ADGRL3: variants seen among roughly 807,000 people sequenced by gnomAD.
ADGRL3 encodes the protein adhesion G protein-coupled receptor L3.
In ADGRL3, 62 loss-of-function variants were observed where a neutral mutation model predicts 153.5. That is an observed-to-expected ratio of 0.40 (90% CI 0.33 to 0.50). ADGRL3 has a LOEUF of 0.50. Among genes scored for constraint, ADGRL3 ranks in the 20% least tolerant of loss-of-function variants. The pLI, the probability that ADGRL3 is intolerant of heterozygous loss-of-function variation, is 0.47. For missense variants in ADGRL3, 1,641 were observed against 1,859.4 expected (o/e 0.88, Z 2.16); for synonymous variants, 710 against 672.5 (o/e 1.06, Z -0.86).
In ADGRL3 at chr4:61,437,094, G is replaced by A. The variant is rs140598123; in HGVS notation, c.-174+53905G>A. ...GATAGGAACCTAAAAGTAGGAAAAC[G>A]GAAGAAGAATTTGTCAAAATATTGT... On this transcript the variant is annotated intron_variant, in intron 2 of 26. Transcript: ENST00000683033. Among the ~76,000 whole-genome samples, 352 of 152,014 alleles carry A rather than the reference G, an allele frequency of 2.3e-3. 2 individuals carry two copies. Among genetic ancestry groups the A allele is most frequent in the African/African-American group, 7.2e-3 (298 of 41,476 alleles).
At chr4:61,719,365 A>G (rs887243936) in intron 6 of ADGRL3, among the ~76,000 whole-genome samples, 1 of 152,194 alleles carries the variant, frequency 6.6e-6, no homozygotes, top group Non-Finnish European at 1.5e-5. Flanking sequence ...AGCCAATGGA[A>G]TCATGCTACT....
chr4:61,751,506 G>A (rs2096756297), intron 8 of ADGRL3, among the ~76,000 whole-genome samples: 1 of 152,102 alleles, frequency 6.6e-6, no homozygotes, highest in African/African-American at 2.4e-5. Flanking sequence ...TTACAAAGCT[G>A]AAATACTTTG....
chr4:61,464,131 C>T (rs1254445230), intron 2 of ADGRL3, among the ~76,000 whole-genome samples: 1 of 152,156 alleles, frequency 6.6e-6, no homozygotes, highest in Non-Finnish European at 1.5e-5. Flanking sequence ...ACCAGGTTTG[C>T]ATAGTTTGTA....
intron 2 of ADGRL3, among the ~76,000 whole-genome samples, chr4:61,471,956 T>C (rs901960948): frequency 5.3e-5 from 8 of 152,184 alleles, no homozygotes; most frequent in Non-Finnish European, 1.0e-4. Flanking sequence ...AATTATTGTA[T>C]TATGCACAAC....
chr4:61,902,618 C>T lies in ADGRL3; in HGVS notation c.1887+6784C>T, dbSNP rs140110189. On this transcript the variant is annotated intron_variant, in intron 11 of 26. Coordinates refer to ENST00000683033, the MANE Select transcript of ADGRL3 (RefSeq NM_001387552.1). ...CTCACCTCTCCAGCTGCCTAAACTC[C>T]AGATATGGTGCCCTTTGTGCAGTTT... 7.2e-4 allele frequency among the ~76,000 whole-genome samples: 109 copies of T among 152,174 alleles called. 2 individuals are homozygous for T. The highest frequency in any genetic ancestry group is 6.8e-3 in the East Asian group (35 of 5,154).
chr4:61,725,853 C>T (rs1463848470), intron 6 of ADGRL3, among the ~76,000 whole-genome samples: 1 of 152,124 alleles, frequency 6.6e-6, no homozygotes, highest in Non-Finnish European at 1.5e-5. Flanking sequence ...CGGCAGGACT[C>T]TGCCACCTAC....
intron 8 of ADGRL3, among the ~76,000 whole-genome samples, chr4:61,800,182 A>C (rs937858816): frequency 1.3e-5 from 2 of 152,198 alleles, no homozygotes; most frequent in African/African-American, 4.8e-5. Context: ...CATCTGTAAC[A>C]ATGAGCAAAG....
intron 1 of ADGRL3, among the ~76,000 whole-genome samples, chr4:61,369,176 C>T (rs1443395582): frequency 6.6e-6 from 1 of 152,164 alleles, no homozygotes; most frequent in African/African-American, 2.4e-5. Flanking sequence ...CATCTGCAAA[C>T]AGGGACAATT....
chr4:61,625,350 C>T (rs1267923622), intron 5 of ADGRL3, among the ~76,000 whole-genome samples: 1 of 151,962 alleles, frequency 6.6e-6, no homozygotes, highest in Non-Finnish European at 1.5e-5. Context: ...CCAAAAACTA[C>T]ATGAACTTAA....
At chr4:61,705,790 C>A (rs1043021520) in intron 6 of ADGRL3, among the ~76,000 whole-genome samples, 2 of 152,114 alleles carry the variant, frequency 1.3e-5, no homozygotes, top group African/African-American at 2.4e-5. Flanking sequence ...AGGCATGAAC[C>A]ACTGCGCCCA....
At chr4:61,711,491 T>TATATATATACAC (rs757078842) in intron 6 of ADGRL3, among the ~76,000 whole-genome samples, 1 of 89,208 alleles carries the variant, frequency 1.1e-5, no homozygotes, top group East Asian at 5.3e-4. Context: ...TATATATATA[T>TATATATATACAC]ACACACACAC....
chr4:61,788,106 C>T (rs2097298885), intron 8 of ADGRL3, among the ~76,000 whole-genome samples: 1 of 152,136 alleles, frequency 6.6e-6, no homozygotes, highest in South Asian at 2.1e-4. Flanking sequence ...ATTAGAGCAA[C>T]TCATAAAAGA....
chr4:61,244,294 A>C (rs1469205381), intron 1 of ADGRL3, among the ~76,000 whole-genome samples: 1 of 152,016 alleles, frequency 6.6e-6, no homozygotes, highest in Non-Finnish European at 1.5e-5. Context: ...TTTTCCTTAT[A>C]AAAATGTTTC....
chr4:61,809,726 C>G (rs1053939121), intron 8 of ADGRL3, among the ~76,000 whole-genome samples: 1 of 151,830 alleles, frequency 6.6e-6, no homozygotes, highest in Admixed American at 6.6e-5. Flanking sequence ...TATGGACTCT[C>G]ATTTATTATG....
At chr4:61,925,998 G>A (rs6843945) in intron 13 of ADGRL3, among the ~76,000 whole-genome samples, 93,938 of 151,936 alleles carry the variant, frequency 0.62, 29,672 homozygotes, top group Non-Finnish European at 0.7. Flanking sequence ...AAATGGGACA[G>A]CATGTTACAC....
At position 61,892,787 on chromosome 4, in the gene ADGRL3, C is replaced by G. The variant is rs752311800; in HGVS notation, c.1612C>G (p.Pro538Ala). ...AAGAAGAAACCGGAGTACTAGTACC[C>G]CATCTCCAGCTGTCGAGGTACTTGA... ...SGRRNRSTSTPSPAVEVLDDM... is the reference protein window; with the variant it reads ...SGRRNRSTSTASPAVEVLDDM... The change falls in exon 10 of 27, where the codon CCA (proline) becomes GCA (alanine). Residue 538 changes from proline to alanine, a missense_variant. Around this residue, in one of 5 missense-constraint regions of ADGRL3, gnomAD observed 734 missense variants for 797.0 expected, o/e 0.92. Coordinates refer to ENST00000683033, the MANE Select transcript of ADGRL3 (RefSeq NM_001387552.1). 6.2e-7 allele frequency: 1 copy of G among 1,613,844 alleles called. No individual in the cohort carries two copies. The highest frequency in any genetic ancestry group is 1.1e-5 in the South Asian group (1 of 91,072).
rs147391228 is a variant in ADGRL3 at position 61,327,306 on chromosome 4, C to T, written c.-239-55818C>T. 6.8e-3 allele frequency among the ~76,000 whole-genome samples: 999 copies of T among 147,534 alleles called. 12 individuals are homozygous for T. Among genetic ancestry groups the T allele is most frequent in the African/African-American group, 0.022 (875 of 40,618 alleles). ...TCAAAAGTATTCTATCTAGTATAAGCTACACATTGAGTTTTACTCAGTTTT... is the reference window on the plus strand; with the variant it reads ...TCAAAAGTATTCTATCTAGTATAAGTTACACATTGAGTTTTACTCAGTTTT... On this transcript the variant is annotated intron_variant, in intron 1 of 26. Transcript: ENST00000683033.
At chr4:61,817,153 C>T (rs1204763977) in intron 9 of ADGRL3, among the ~76,000 whole-genome samples, 1 of 149,030 alleles carries the variant, frequency 6.7e-6, no homozygotes, top group East Asian at 2.0e-4. Flanking sequence ...CTGCAGACCC[C>T]CCCCCCCCCA....
At chr4:62,037,324 T>C (rs1725601063) in intron 23 of ADGRL3, among the ~76,000 whole-genome samples, 1 of 152,120 alleles carries the variant, frequency 6.6e-6, no homozygotes, top group Non-Finnish European at 1.5e-5. Context: ...TCTCTGTAAC[T>C]TCCTAAGTAG....
Sources: gnomAD v4.1 joint callset for allele counts (sites outside exome capture counted in the v4.1 genomes callset) on GRCh38, gnomAD v4.1.1 for gene constraint, gnomAD v4.1.1 regional missense constraint, MANE v1.5 for transcripts, NCBI Gene and HGNC (gene_info 2026-07-23, HGNC 2026-07-21) for gene names.